PTPRM: variants seen among roughly 807,000 people sequenced by gnomAD.
PTPRM encodes the protein protein tyrosine phosphatase receptor type M, also known as receptor-type tyrosine-protein phosphatase mu.
PTPRM carries 47 observed loss-of-function variants against 186.7 expected under a neutral mutation model. The observed-to-expected ratio is 0.25, with a 90% CI of 0.20 to 0.32. The LOEUF (loss-of-function observed/expected upper bound fraction) is 0.32, where lower values mean the gene tolerates loss of function less well. Ranked by LOEUF, PTPRM falls within the 10% of genes least tolerant of loss-of-function variation. PTPRM has a pLI of 1.00. For missense variants in PTPRM, 1,494 were observed against 1,865.0 expected, an observed-to-expected ratio of 0.80 and a Z score of 3.66; for synonymous variants, 668 against 674.9, an observed-to-expected ratio of 0.99 and a Z score of 0.16.
rs182933395 is a variant in PTPRM at position 7,839,768 on chromosome 18, C to T, written c.197-48338C>T. ...CCAGTTCAGCACTAGGCCTCACCTA[C>T]GAGTTCCAGTCCTTGTGGCCTAGAC... On this transcript the variant is annotated intron_variant, in intron 2 of 32. Coordinates refer to ENST00000580170, the MANE Select transcript of PTPRM (RefSeq NM_001105244.2). Among the ~76,000 whole-genome samples, 347 of 152,248 alleles carry T rather than the reference C, an allele frequency of 2.3e-3. 1 individual carries two copies. Among genetic ancestry groups the T allele is most frequent in the African/African-American group, 8.0e-3 (331 of 41,556 alleles).
chr18:8,387,004 C>T, intron 30 of PTPRM, 68 bp from the exon 31 acceptor site: 2 of 1,441,598 alleles, frequency 1.4e-6, no homozygotes, highest in Non-Finnish European at 1.9e-6. Context: ...GTGGAATCAG[C>T]CCACTGGAAT....
chr18:8,369,241 A>G lies in PTPRM; in HGVS notation c.3055-1649A>G, dbSNP rs575618482. 5.3e-5 allele frequency among the ~76,000 whole-genome samples: 8 copies of G among 152,342 alleles called. No homozygotes were observed. In the South Asian group the frequency reaches 1.7e-3, roughly 32 times the overall value. ...AAATGCTGGTTGGGGCCATATTTAA[A>G]AACTCGTTCTTACCTGCCTGGCCAA... On this transcript the variant is annotated intron_variant, in intron 23 of 32. Coordinates refer to ENST00000580170, the MANE Select transcript of PTPRM (RefSeq NM_001105244.2).
intron 14 of PTPRM, among the ~76,000 whole-genome samples, chr18:8,218,428 G>A (rs2094115131): frequency 1.3e-5 from 2 of 152,158 alleles, no homozygotes; most frequent in African/African-American, 4.8e-5. Context: ...CAACTATTGG[G>A]AGCAGCAGGG....
intron 4 of PTPRM, among the ~76,000 whole-genome samples, chr18:7,908,426 C>A (rs1490229150): frequency 2.6e-5 from 4 of 152,028 alleles, no homozygotes; most frequent in Non-Finnish European, 5.9e-5. Flanking sequence ...AGGAGTGGCT[C>A]AGCTTTTTAT....
At chr18:8,278,675 G>A (rs1030915027) in intron 19 of PTPRM, among the ~76,000 whole-genome samples, 2 of 152,114 alleles carry the variant, frequency 1.3e-5, no homozygotes, top group Non-Finnish European at 2.9e-5. Context: ...AATAAGAAAC[G>A]GGTCATGGCA....
chr18:7,628,482 G>A (rs2038114394), intron 1 of PTPRM, among the ~76,000 whole-genome samples: 1 of 152,134 alleles, frequency 6.6e-6, no homozygotes, highest in Non-Finnish European at 1.5e-5. Flanking sequence ...TAAATCGTTT[G>A]TCTTTTGCCA....
intron 19 of PTPRM, among the ~76,000 whole-genome samples, chr18:8,276,734 A>C (rs1309237173): frequency 3.9e-5 from 6 of 152,204 alleles, no homozygotes; most frequent in African/African-American, 1.4e-4. Flanking sequence ...GCCGTTCTAC[A>C]ACAAAAAAAT....
Position 8,070,003 on chromosome 18 carries a change from C to T in PTPRM, c.1441+9C>T. 6.2e-7 allele frequency: 1 copy of T among 1,600,982 alleles called. No homozygotes were observed. Among genetic ancestry groups the T allele is most frequent in the African/African-American group, 1.3e-5 (1 of 74,490 alleles). On this transcript the variant is annotated intron_variant, in intron 8 of 32. Coordinates refer to ENST00000580170, the MANE Select transcript of PTPRM (RefSeq NM_001105244.2). ...GCAGACAGATGAAGACCGTGAGTAC[C>T]TTTGAATGATATGTTTGTGTAAAAC...
chr18:7,725,488 C>A (rs1281170788), intron 1 of PTPRM, among the ~76,000 whole-genome samples: 1 of 152,030 alleles, frequency 6.6e-6, no homozygotes, highest in Non-Finnish European at 1.5e-5. Context: ...AAAGTGAGAA[C>A]TTATGCTCCT....
chr18:7,975,781 C>G (rs1477943598), intron 7 of PTPRM, among the ~76,000 whole-genome samples: 5 of 152,158 alleles, frequency 3.3e-5, no homozygotes, highest in Admixed American at 2.6e-4. Context: ...AACATATACT[C>G]TCCGTGTATA....
chr18:7,674,031 A>AG (rs1393197152), intron 1 of PTPRM, among the ~76,000 whole-genome samples: 1 of 152,140 alleles, frequency 6.6e-6, no homozygotes, highest in Non-Finnish European at 1.5e-5. Context: ...ATGGACCTGA[A>AG]GGGGGAGATG....
At chr18:7,616,347 TG>T (rs1328141080) in intron 1 of PTPRM, among the ~76,000 whole-genome samples, 1 of 152,078 alleles carries the variant, frequency 6.6e-6, no homozygotes, top group Non-Finnish European at 1.5e-5. Context: ...TTTGTTGAGT[TG>T]GGGGTCTCAC....
At chr18:8,036,371 T>C (rs2086330386) in intron 7 of PTPRM, among the ~76,000 whole-genome samples, 1 of 152,214 alleles carries the variant, frequency 6.6e-6, no homozygotes, top group African/African-American at 2.4e-5. Context: ...GCTTATGCGT[T>C]GGGTAAGTAG....
intron 14 of PTPRM, among the ~76,000 whole-genome samples, chr18:8,184,053 A>G (rs2093612178): frequency 6.6e-6 from 1 of 152,156 alleles, no homozygotes; most frequent in Non-Finnish European, 1.5e-5. Flanking sequence ...ATTTCCCTGT[A>G]CTGCATCCTC....
At chr18:8,349,756 G>A (rs1449706434) in intron 23 of PTPRM, among the ~76,000 whole-genome samples, 1 of 152,142 alleles carries the variant, frequency 6.6e-6, no homozygotes, top group African/African-American at 2.4e-5. Flanking sequence ...TTTGTACTCA[G>A]CCCAATCCAA....
At chr18:7,791,568 G>A (rs1263211317) in intron 2 of PTPRM, among the ~76,000 whole-genome samples, 1 of 152,180 alleles carries the variant, frequency 6.6e-6, no homozygotes, top group South Asian at 2.1e-4. Context: ...GAGGATCTGT[G>A]TGGAGGTTTC....
rs2049117009 is a variant in PTPRM at position 7,892,209 on chromosome 18, T to C, written c.468+3832T>C. 2.6e-5 allele frequency among the ~76,000 whole-genome samples: 4 copies of C among 152,174 alleles called. No homozygotes were observed. The South Asian group carries it at 6.2e-4, about 24-fold the overall frequency. Reference sequence around the variant, plus strand: ...CAGTGTCCACACAAAACCTCTAGAATGGGCTTTCTTGAGACCATCACAGCC... The same window carrying C: ...CAGTGTCCACACAAAACCTCTAGAACGGGCTTTCTTGAGACCATCACAGCC... On this transcript the variant is annotated intron_variant, in intron 3 of 32. Transcript: ENST00000580170.
chr18:8,034,920 A>G (rs1054985923), intron 7 of PTPRM, among the ~76,000 whole-genome samples: 1 of 152,158 alleles, frequency 6.6e-6, no homozygotes, highest in Non-Finnish European at 1.5e-5. Context: ...GATCCAGGTC[A>G]TTAGACAAGA....
chr18:8,198,623 A>G (rs1601164039), intron 14 of PTPRM, among the ~76,000 whole-genome samples: 1 of 152,072 alleles, frequency 6.6e-6, no homozygotes, highest in South Asian at 2.1e-4. Context: ...CTGGTTCTGT[A>G]TTGCGGAGAG....
Sources: gnomAD v4.1 joint callset for allele counts (sites outside exome capture counted in the v4.1 genomes callset) on GRCh38, gnomAD v4.1.1 for gene constraint, MANE v1.5 for transcripts, NCBI Gene and HGNC (gene_info 2026-07-23, HGNC 2026-07-21) for gene names.